CTNNBL1: variants seen among roughly 807,000 people sequenced by gnomAD.
The protein encoded by CTNNBL1 is catenin beta like 1.
Under a neutral mutation model 72.7 loss-of-function variants are expected in CTNNBL1, and 31 were observed. The observed-to-expected ratio is 0.43, with a 90% CI of 0.32 to 0.58. The LOEUF (loss-of-function observed/expected upper bound fraction) is 0.58, where lower values mean the gene tolerates loss of function less well. Among genes scored for constraint, CTNNBL1 ranks in the 20% least tolerant of loss-of-function variants. The probability of loss-of-function intolerance (pLI) is 0.08; values close to 1 mark genes in which losing one functional copy is unlikely to be tolerated. For missense variants in CTNNBL1, 534 were observed against 725.1 expected (o/e 0.74, Z 3.03); for synonymous variants, 240 against 267.3 (o/e 0.90, Z 1.00).
At chr20:37,789,111 A>G (rs1408402225) in intron 10 of CTNNBL1, among the ~76,000 whole-genome samples, 1 of 152,206 alleles carries the variant, frequency 6.6e-6, no homozygotes, top group Non-Finnish European at 1.5e-5. Context: ...GGAACCAAAA[A>G]AAAAGAAAAG....
intron 11 of CTNNBL1, among the ~76,000 whole-genome samples, chr20:37,828,398 A>T (rs903482260): frequency 1.7e-4 from 26 of 151,426 alleles, no homozygotes; most frequent in East Asian, 3.9e-4. Flanking sequence ...TTTTTTTTTT[A>T]AAAATATGCC....
intron 13 of CTNNBL1, among the ~76,000 whole-genome samples, chr20:37,848,939 A>G (rs1167816655): frequency 6.6e-6 from 1 of 152,102 alleles, no homozygotes; most frequent in Non-Finnish European, 1.5e-5. Flanking sequence ...CGAGTCCAAA[A>G]CCAGGCTTGC....
At chr20:37,847,149 T>C (rs575680054) in intron 13 of CTNNBL1, among the ~76,000 whole-genome samples, 1 of 152,314 alleles carries the variant, frequency 6.6e-6, no homozygotes, top group African/African-American at 2.4e-5. Context: ...CCACCAAAAA[T>C]ATTTAAGTAC....
At chr20:37,736,179 T>C (rs1273616919) in intron 2 of CTNNBL1, among the ~76,000 whole-genome samples, 2 of 152,228 alleles carry the variant, frequency 1.3e-5, no homozygotes, top group Non-Finnish European at 2.9e-5. Context: ...TCAAAGTACC[T>C]GTCTGAATTC....
At chr20:37,861,158 G>A (rs1344823078) in intron 15 of CTNNBL1, among the ~76,000 whole-genome samples, 2 of 152,206 alleles carry the variant, frequency 1.3e-5, no homozygotes, top group Non-Finnish European at 2.9e-5. Context: ...TTTTGCAAAG[G>A]TTACAGGAGG....
intron 11 of CTNNBL1, among the ~76,000 whole-genome samples, chr20:37,819,967 C>T (rs981114733): frequency 1.3e-5 from 2 of 151,542 alleles, no homozygotes; most frequent in Admixed American, 6.6e-5. Context: ...CTCCGCATCC[C>T]GGGTTCAAGC....
intron 11 of CTNNBL1, among the ~76,000 whole-genome samples, chr20:37,830,362 G>A (rs1415009033): frequency 1.3e-5 from 2 of 152,130 alleles, no homozygotes; most frequent in Admixed American, 6.5e-5. Flanking sequence ...CTGTGCCAAA[G>A]ATTCCTAAAA....
Position 37,808,207 on chromosome 20 carries a change from G to A in CTNNBL1, c.1213+5159G>A, listed in dbSNP as rs567743960. 8.5e-5 allele frequency among the ~76,000 whole-genome samples: 13 copies of A among 152,286 alleles called. No individual in the cohort carries two copies. In the South Asian group the frequency reaches 1.9e-3, roughly 22 times the overall value. ...TCAGTGCTTTAAAGAATACTTTTCT[G>A]TCATCAGCAAAGAATTGTAAGTGAT... On this transcript the variant is annotated intron_variant, in intron 11 of 15. Transcript: ENST00000361383.
chr20:37,831,263 C>G (rs1288661620), intron 11 of CTNNBL1, among the ~76,000 whole-genome samples: 1 of 152,228 alleles, frequency 6.6e-6, no homozygotes, highest in East Asian at 1.9e-4. Flanking sequence ...TTTCCTACCC[C>G]AGCTGAATTA....
intron 15 of CTNNBL1, among the ~76,000 whole-genome samples, chr20:37,862,016 C>T (rs1047549397): frequency 6.6e-6 from 1 of 152,126 alleles, no homozygotes; most frequent in Non-Finnish European, 1.5e-5. Flanking sequence ...CAGCCCTCCC[C>T]ATCAGGGAAT....
Position 37,779,243 on chromosome 20 carries a change from G to C in CTNNBL1, c.939G>C (p.Leu313=). Residue 313 remains leucine (L), a synonymous_variant, in exon 10 of 16, where the codon CTG becomes CTC. Coordinates refer to ENST00000361383, the MANE Select transcript of CTNNBL1 (RefSeq NM_030877.5). Reference sequence around the variant, plus strand: ...AGGAGCAGGAGATGATGGAGAATCTGTTTGATTCCCTCTGCTCCTGTCTAA... The same window carrying C: ...AGGAGCAGGAGATGATGGAGAATCTCTTTGATTCCCTCTGCTCCTGTCTAA... ...TAEEQEMMEN[L]FDSLCSCLML... The C allele has an allele frequency of 6.2e-7, 1 of 1,613,804 alleles. No homozygotes were observed. The highest frequency in any genetic ancestry group is 8.5e-7 in the Non-Finnish European group (1 of 1,179,742).
chr20:37,804,974 T>C (rs1163805423), intron 11 of CTNNBL1, among the ~76,000 whole-genome samples: 1 of 152,230 alleles, frequency 6.6e-6, no homozygotes, highest in Non-Finnish European at 1.5e-5. Context: ...CTCTGCATCC[T>C]GAGCGGACCA....
At chr20:37,719,703 A>T (rs2073023360) in intron 1 of CTNNBL1, among the ~76,000 whole-genome samples, 1 of 152,254 alleles carries the variant, frequency 6.6e-6, no homozygotes, top group Non-Finnish European at 1.5e-5. Context: ...ATAACCTTAG[A>T]AAAATGTTAG....
chr20:37,755,992 C>T (rs150099758), intron 4 of CTNNBL1, among the ~76,000 whole-genome samples: 25 of 152,274 alleles, frequency 1.6e-4, no homozygotes, highest in African/African-American at 4.6e-4. Context: ...CACTTCCTTC[C>T]CCTCTCCTCC....
intron 4 of CTNNBL1, among the ~76,000 whole-genome samples, chr20:37,747,198 C>T (rs1366107898): frequency 2.0e-5 from 3 of 151,964 alleles, no homozygotes; most frequent in Non-Finnish European, 2.9e-5. Flanking sequence ...GCCAACATAG[C>T]GAAACCCTAT....
chr20:37,762,158 GGA>G (rs2073423180), intron 5 of CTNNBL1, among the ~76,000 whole-genome samples: 2 of 152,168 alleles, frequency 1.3e-5, no homozygotes, highest in Non-Finnish European at 2.9e-5. Flanking sequence ...GTTACAGCTA[GGA>G]TACAACAGGC....
chr20:37,773,815 G>T (rs1385336915), intron 7 of CTNNBL1, among the ~76,000 whole-genome samples: 6 of 150,748 alleles, frequency 4.0e-5, no homozygotes, highest in Admixed American at 6.6e-5. Flanking sequence ...TCTGATATGA[G>T]TTTCATGTAT....
At chr20:37,777,735 G>A (rs758830751) in intron 9 of CTNNBL1, 23 bp downstream of exon 9, 2 of 1,610,820 alleles carry the variant, frequency 1.2e-6, no homozygotes, top group Non-Finnish European at 1.7e-6. Flanking sequence ...TATGCTTCCT[G>A]TCTGCTGTAA....
intron 10 of CTNNBL1, among the ~76,000 whole-genome samples, chr20:37,791,750 G>C (rs1600490531): frequency 6.6e-6 from 1 of 152,116 alleles, no homozygotes; most frequent in African/African-American, 2.4e-5. Flanking sequence ...AACTGCGCGT[G>C]CGAGCGATCT....
Sources: gnomAD v4.1 joint callset for allele counts (sites outside exome capture counted in the v4.1 genomes callset) on GRCh38, gnomAD v4.1.1 for gene constraint, MANE v1.5 for transcripts, NCBI Gene and HGNC (gene_info 2026-07-23, HGNC 2026-07-21) for gene names.